The following DNAJB12 variants were observed in gnomAD, a reference collection of about 807,000 sequenced individuals.
DNAJB12 encodes dnaJ homolog subfamily B member 12.
DNAJB12 carries 14 observed loss-of-function variants against 40.6 expected under a neutral mutation model. The ratio of observed to expected loss-of-function variants is 0.34; its 90% CI spans 0.23 to 0.54. DNAJB12 has a LOEUF of 0.54. Among genes scored for constraint, DNAJB12 ranks in the 20% least tolerant of loss-of-function variants. The pLI, the probability that DNAJB12 is intolerant of heterozygous loss-of-function variation, is 0.92. For synonymous variants in DNAJB12, 181 were observed against 199.5 expected, an observed-to-expected ratio of 0.91 and a Z score of 0.78; for missense variants, 444 against 501.7, an observed-to-expected ratio of 0.89 and a Z score of 1.10.
chr10:72,335,065 CCTT>C lies in DNAJB12; in HGVS notation c.*31-451_*31-449del, dbSNP rs1230364762. 2.0e-6 allele frequency: 2 copies of C among 998,856 alleles called. No homozygotes were observed. Among genetic ancestry groups the C allele is most frequent in the East Asian group, 2.1e-4 (2 of 9,404 alleles). 61.9% of individuals were successfully genotyped at this position (998,856 alleles called of 1,614,324 possible). A position where few individuals can be genotyped will look rare whatever the true frequency, so the allele number is the denominator to read the frequency against. On this transcript the variant is annotated intron_variant, in intron 8 of 8. Coordinates refer to ENST00000444643, the MANE Select transcript of DNAJB12 (RefSeq NM_017626.7). This position sits in a 1 kb window ranked among gnomAD's most constrained non-coding sequence, Gnocchi z 4.4. ...GCTGCGTCTGACCCTGAACTCATGA[CCTT>C]CTGTTCCCTTCCTCAGACCGCAGGC...
chr10:72,350,594 T>G (rs1861912011), intron 1 of DNAJB12, among the ~76,000 whole-genome samples: 1 of 151,994 alleles, frequency 6.6e-6, no homozygotes, highest in African/African-American at 2.4e-5. Flanking sequence ...AAATATACAG[T>G]GTTGTCTCTG....
intron 5 of DNAJB12, among the ~76,000 whole-genome samples, chr10:72,340,061 G>A (rs1030030817): frequency 2.0e-5 from 3 of 152,112 alleles, no homozygotes. Flanking sequence ...AATTCTCTCA[G>A]TGGCAGAGCG....
intron 5 of DNAJB12, among the ~76,000 whole-genome samples, chr10:72,339,133 G>A (rs1285830655): frequency 6.6e-6 from 1 of 151,942 alleles, no homozygotes; most frequent in African/African-American, 2.4e-5. Flanking sequence ...TGGGTGTGGT[G>A]GTGTGGGCCT....
chr10:72,341,621 C>A (rs1323718060), intron 3 of DNAJB12, among the ~76,000 whole-genome samples: 2 of 152,154 alleles, frequency 1.3e-5, no homozygotes, highest in Non-Finnish European at 1.5e-5. Context: ...CAGGCGTGAA[C>A]CACCACACTC....
At chr10:72,344,124 C>A (rs953474846) in intron 2 of DNAJB12, among the ~76,000 whole-genome samples, 1 of 152,070 alleles carries the variant, frequency 6.6e-6, no homozygotes. Context: ...AAGCACAGGG[C>A]CTAAAGAGAC....
intron 3 of DNAJB12, among the ~76,000 whole-genome samples, chr10:72,342,422 T>C (rs1589127824): frequency 6.6e-6 from 1 of 152,222 alleles, no homozygotes. Context: ...AGGCCAGAGC[T>C]GGCCTCTCGG....
chr10:72,339,195 G>A (rs564220703), intron 5 of DNAJB12, among the ~76,000 whole-genome samples: 1 of 147,080 alleles, frequency 6.8e-6, no homozygotes. Context: ...TGGGAGGGGA[G>A]GCTCCTGCAC....
chr10:72,340,733 C>T, intron 5 of DNAJB12, 56 bp downstream of exon 5: 1 of 1,564,756 alleles, frequency 6.4e-7, no homozygotes, highest in East Asian at 2.3e-5. Flanking sequence ...CAAGCCCCCT[C>T]CCTGGGGTGG....
intron 1 of DNAJB12, among the ~76,000 whole-genome samples, chr10:72,347,490 T>C (rs1350881696): frequency 6.6e-6 from 1 of 152,226 alleles, no homozygotes; most frequent in Non-Finnish European, 1.5e-5. Flanking sequence ...AAAAGAAGTA[T>C]CTGCTGTGCT....
chr10:72,335,299 G>A lies in DNAJB12; in HGVS notation c.*30+481C>T, dbSNP rs993806547. 2.0e-5 allele frequency: 20 copies of A among 987,684 alleles called. No individual in the cohort carries two copies. The highest frequency in any genetic ancestry group is 2.4e-5 in the Non-Finnish European group (20 of 831,250). The allele number at this position is 987,684 out of a possible 1,614,324, so 61.2% of individuals were successfully genotyped here. A position where few individuals can be genotyped will look rare whatever the true frequency, so the allele number is the denominator to read the frequency against. On this transcript the variant is annotated intron_variant, in intron 8 of 8. Transcript: ENST00000444643. The surrounding 1 kb of genome is among the most constrained non-coding windows in gnomAD (Gnocchi z 4.4). ...TAGCTGGAGGGATGGAGAAAGGGGA[G>A]GGCTCTTGGCCCACCTATTCCCACA...
intron 6 of DNAJB12, 87 bp downstream of exon 6, chr10:72,338,115 G>C: frequency 3.5e-6 from 4 of 1,136,006 alleles, no homozygotes; most frequent in South Asian, 1.3e-5. Context: ...ACACTGGCTG[G>C]ATCAGGATGG....
chr10:72,342,035 T>G (rs1049288694), intron 3 of DNAJB12, among the ~76,000 whole-genome samples: 4 of 152,232 alleles, frequency 2.6e-5, no homozygotes, highest in African/African-American at 9.6e-5. Flanking sequence ...TAGTCTGACA[T>G]GCAGGCCAGA....
rs1862021346 is a variant in DNAJB12 at position 72,354,703 on chromosome 10, C to A, written c.133+62G>T. The A allele has an allele frequency of 2.8e-6, 4 of 1,407,838 alleles. No individual in the cohort carries two copies. The Admixed American group carries it at 7.4e-5, about 26-fold the overall frequency. 87.2% of individuals were successfully genotyped at this position (1,407,838 alleles called of 1,614,324 possible). ...CCCTCCCCCAACTGCTCCCGTCGGT[C>A]CGTTCCCGTGTTCCCCCCATCAGTT... On this transcript the variant is annotated intron_variant, in intron 1 of 8. Coordinates refer to ENST00000444643, the MANE Select transcript of DNAJB12 (RefSeq NM_017626.7).
At chr10:72,343,581 C>A (rs184358780) in intron 2 of DNAJB12, 70 bp from the exon 3 acceptor site, 1 of 1,550,192 alleles carries the variant, frequency 6.5e-7, no homozygotes, top group Admixed American at 1.7e-5. Flanking sequence ...ATGAACAGGC[C>A]GTGTGGGGCG....
chr10:72,340,896 G>A (rs1477252100), intron 4 of DNAJB12, 28 bp from the exon 5 acceptor site: 2 of 1,612,334 alleles, frequency 1.2e-6, no homozygotes, highest in Non-Finnish European at 1.7e-6. Flanking sequence ...TGAGTCAGGA[G>A]CCAGGTCTGT....
In DNAJB12 at chr10:72,333,086, T is replaced by C. The variant is rs578055434; in HGVS notation, c.*1562A>G. 2.6e-5 allele frequency: 4 copies of C among 152,636 alleles called. No homozygotes were observed. Among genetic ancestry groups the C allele is most frequent in the African/African-American group, 9.6e-5 (4 of 41,550 alleles). 9.5% of individuals were successfully genotyped at this position (152,636 alleles called of 1,614,324 possible). On this transcript the variant is annotated 3_prime_UTR_variant, in exon 9 of 9. Coordinates refer to ENST00000444643, the MANE Select transcript of DNAJB12 (RefSeq NM_017626.7). ...GCTGCTTCATTGCAGGGTTGGACCT[T>C]GTTTAAAAACCAGATTTGACATTTC...
Position 72,349,612 on chromosome 10 carries a change from C to G in DNAJB12, c.134-4485G>C, listed in dbSNP as rs560519787. Among the ~76,000 whole-genome samples, 9 of 152,292 alleles carry G rather than the reference C, an allele frequency of 5.9e-5. No individual in the cohort carries two copies. In the East Asian group the frequency reaches 1.7e-3, roughly 29 times the overall value. The stretch of plus-strand genomic sequence containing the variant: ...GGAAGTTCTGGTGGCCCAGGCTGAG[C>G]CTGGCAGATCCTAAGGGCAAAATAA... On this transcript the variant is annotated intron_variant, in intron 1 of 8. Transcript: ENST00000444643.
chr10:72,351,670 T>G (rs577238735), intron 1 of DNAJB12, among the ~76,000 whole-genome samples: 2 of 152,394 alleles, frequency 1.3e-5, no homozygotes, highest in African/African-American at 4.8e-5. Context: ...CCTTTGCCTG[T>G]GGGCTCAGGG....
chr10:72,342,200 A>T (rs932457443), intron 3 of DNAJB12, among the ~76,000 whole-genome samples: 1 of 151,970 alleles, frequency 6.6e-6, no homozygotes, highest in African/African-American at 2.4e-5. Context: ...GTTATTTCCT[A>T]TCTGGGCCTG....
Sources: gnomAD v4.1 joint callset for allele counts (sites outside exome capture counted in the v4.1 genomes callset) on GRCh38, gnomAD v4.1.1 for gene constraint, Gnocchi (gnomAD v3.1) non-coding constraint, MANE v1.5 for transcripts, NCBI Gene and HGNC (gene_info 2026-07-23, HGNC 2026-07-21) for gene names.